Variants in NFASC observed in about 807,000 individuals in gnomAD.
NFASC encodes neurofascin.
NFASC carries 43 observed loss-of-function variants against 147.5 expected under a neutral mutation model. That is an observed-to-expected ratio of 0.29 (90% CI 0.23 to 0.38). The LOEUF is 0.38. Ranked by LOEUF, NFASC falls within the 10% of genes least tolerant of loss-of-function variation. The pLI is 1.00. For synonymous variants in NFASC, 622 were observed against 665.5 expected (o/e 0.93, Z 1.01); for missense variants, 1,320 against 1,689.0 (o/e 0.78, Z 3.83).
At chr1:204,952,660 A>G (rs931402494) in intron 5 of NFASC, among the ~76,000 whole-genome samples, 1 of 152,232 alleles carries the variant, frequency 6.6e-6, no homozygotes, top group Admixed American at 6.5e-5. Flanking sequence ...CAAAGGTCCA[A>G]GGTTACCCAG....
At chr1:204,955,505 C>T (rs1308269062) in intron 7 of NFASC, among the ~76,000 whole-genome samples, 1 of 152,112 alleles carries the variant, frequency 6.6e-6, no homozygotes, top group Non-Finnish European at 1.5e-5. Flanking sequence ...GAATTGCAAC[C>T]TTTCATAAAG....
At chr1:204,844,946 C>T (rs935196606) in intron 1 of NFASC, among the ~76,000 whole-genome samples, 4 of 152,072 alleles carry the variant, frequency 2.6e-5, no homozygotes, top group African/African-American at 9.7e-5. Context: ...CCCCCCAAGT[C>T]TGCGTTTAGC....
In NFASC at chr1:204,986,315, T is replaced by A. The variant is rs536381206; in HGVS notation, c.2471-1103T>A. The stretch of plus-strand genomic sequence containing the variant: ...CAAGGTGACCTGCCCTGCGAGGAGG[T>A]TGTATCTCAAGAGAAGACCTGTGAG... On this transcript the variant is annotated intron_variant, in intron 21 of 29. Transcript: ENST00000339876. This position sits in a 1 kb window ranked among gnomAD's most constrained non-coding sequence, Gnocchi z 4.2. Among the ~76,000 whole-genome samples, 205 of 152,144 alleles carry A rather than the reference T, an allele frequency of 1.3e-3. No individual in the cohort carries two copies. Among genetic ancestry groups the A allele is most frequent in the Non-Finnish European group, 2.7e-3 (181 of 68,000 alleles).
chr1:204,959,407 G>T (rs1434053885), intron 8 of NFASC, among the ~76,000 whole-genome samples: 1 of 152,212 alleles, frequency 6.6e-6, no homozygotes, highest in Non-Finnish European at 1.5e-5. Flanking sequence ...GGAGAAAGTT[G>T]GTTTGTCTGC....
chr1:204,911,606 C>T (rs1216538502), intron 1 of NFASC, among the ~76,000 whole-genome samples: 1 of 152,008 alleles, frequency 6.6e-6, no homozygotes, highest in Non-Finnish European at 1.5e-5. Context: ...TTAAATGTTG[C>T]ACTATCTATG....
Position 204,974,285 on chromosome 1 carries a change from G to A in NFASC, c.1386G>A (p.Leu462=), listed in dbSNP as rs2095344478. ...CPFFGSPIPT[L]RWFKNGQGSN... is the part of the protein sequence containing the mutation. Reference sequence around the variant, plus strand: ...TCTTTGGGTCTCCCATCCCCACACTGCGATGGTAAGTTCCAGGAGATCAGG... The same window carrying A: ...TCTTTGGGTCTCCCATCCCCACACTACGATGGTAAGTTCCAGGAGATCAGG... Residue 462 remains leucine, a synonymous_variant, in exon 13 of 30, where the codon CTG becomes CTA. Coordinates refer to ENST00000339876, the MANE Select transcript of NFASC (RefSeq NM_001005388.3). 6.2e-7 allele frequency: 1 copy of A among 1,612,650 alleles called. No individual in the cohort carries two copies. The highest frequency in any genetic ancestry group is 8.5e-7 in the Non-Finnish European group (1 of 1,178,780).
Position 204,982,012 on chromosome 1 carries a change from G to T in NFASC, c.2462G>T (p.Gly821Val). Residue 821 changes from glycine to valine, a missense_variant, in exon 21 of 30, where the codon GGA (glycine) becomes GTA (valine). Coordinates refer to ENST00000339876, the MANE Select transcript of NFASC (RefSeq NM_001005388.3). ...CCAGAGTCCGTCATCGGTTACTCCGGAGAAGATTGTGAGTAGTCTCCTCCC... is the reference window on the plus strand; with the variant it reads ...CCAGAGTCCGTCATCGGTTACTCCGTAGAAGATTGTGAGTAGTCTCCTCCC... ...PEPESVIGYS[G>V]EDLPSAPRRF... The T allele has an allele frequency of 6.4e-7, 1 of 1,569,076 alleles. No homozygotes were observed. The highest frequency in any genetic ancestry group is 8.6e-7 in the Non-Finnish European group (1 of 1,157,312).
intron 1 of NFASC, among the ~76,000 whole-genome samples, chr1:204,848,035 G>T (rs2075330438): frequency 6.6e-6 from 1 of 152,100 alleles, no homozygotes; most frequent in Non-Finnish European, 1.5e-5. Context: ...TTACCCCTTT[G>T]TACTGGAAAC....
intron 1 of NFASC, among the ~76,000 whole-genome samples, chr1:204,903,742 T>A (rs1280104453): frequency 3.9e-5 from 6 of 152,248 alleles, no homozygotes; most frequent in Admixed American, 1.3e-4. Flanking sequence ...ACTCATGGCA[T>A]GTTTTAAAAC....
chr1:204,997,317 T>C lies in NFASC; in HGVS notation c.2930T>C (p.Val977Ala), dbSNP rs2095866317. Residue 977 changes from valine to alanine, a missense_variant, in exon 25 of 30, where the codon GTC (valine) becomes GCC (alanine). This residue lies in a region of NFASC where 172 missense variants were observed against 165.8 expected (regional missense o/e 1.04). Coordinates refer to ENST00000339876, the MANE Select transcript of NFASC (RefSeq NM_001005388.3). ...APTTIATTTT[V>A]ATTTTTTAAA... Reference sequence around the variant, plus strand: ...ACCACCATCGCCACCACCACCACCGTCGCCACAACTACTACAACCACTGCT... The same window carrying C: ...ACCACCATCGCCACCACCACCACCGCCGCCACAACTACTACAACCACTGCT... The C allele has an allele frequency of 2.5e-6, 4 of 1,582,820 alleles. No individual in the cohort carries two copies. The highest frequency in any genetic ancestry group is 3.4e-6 in the Non-Finnish European group (4 of 1,164,682).
intron 8 of NFASC, among the ~76,000 whole-genome samples, chr1:204,958,801 C>G (rs2094534966): frequency 6.6e-6 from 1 of 152,196 alleles, no homozygotes; most frequent in Admixed American, 6.5e-5. Flanking sequence ...TAGGCTGACC[C>G]TGGCTTCCTG....
intron 1 of NFASC, among the ~76,000 whole-genome samples, chr1:204,898,567 T>C (rs2149147471): frequency 6.6e-6 from 1 of 152,366 alleles, no homozygotes; most frequent in South Asian, 2.1e-4. Context: ...GAGCACTCTA[T>C]GGCTGATCTG....
At chr1:204,867,045 G>T (rs892449046) in intron 1 of NFASC, among the ~76,000 whole-genome samples, 2 of 152,184 alleles carry the variant, frequency 1.3e-5, no homozygotes, top group Non-Finnish European at 2.9e-5. Context: ...AAAAAAAGCA[G>T]CAGTGTAGAT....
At position 204,970,644 on chromosome 1, in the gene NFASC, G is replaced by C. The variant is rs770593655; in HGVS notation, c.1032G>C (p.Lys344Asn). 1.2e-6 allele frequency: 2 copies of C among 1,614,128 alleles called. No homozygotes were observed. The highest frequency in any genetic ancestry group is 4.5e-5 in the East Asian group (2 of 44,876). Residue 344 changes from lysine to asparagine, a missense_variant, in exon 11 of 30, where the codon AAG becomes AAC. Coordinates refer to ENST00000339876, the MANE Select transcript of NFASC (RefSeq NM_001005388.3). ...CTCCCTACTGGCTGGACGAACCCAA[G>C]AACCTTATTCTGGCTCCTGGCGAGG... ...KAAPYWLDEP[K>N]NLILAPGEDG...
chr1:204,968,019 A>G lies in NFASC; in HGVS notation c.707-230A>G. The stretch of plus-strand genomic sequence containing the variant: ...AACCTGAGGGAAGCTGGGCTCCTCC[A>G]GGCAGATCCTTTCAGAACCTAGAGC... On this transcript the variant is annotated intron_variant, in intron 8 of 29. Coordinates refer to ENST00000339876, the MANE Select transcript of NFASC (RefSeq NM_001005388.3). The surrounding 1 kb of genome is among the most constrained non-coding windows in gnomAD (Gnocchi z 5.4). The G allele has an allele frequency of 2.1e-6, 1 of 469,800 alleles. No individual in the cohort carries two copies. Among genetic ancestry groups the G allele is most frequent in the South Asian group, 2.5e-5 (1 of 40,160 alleles). 29.1% of individuals were successfully genotyped at this position (469,800 alleles called of 1,614,324 possible).
chr1:204,900,287 G>A (rs771103700), intron 1 of NFASC, among the ~76,000 whole-genome samples: 2 of 152,178 alleles, frequency 1.3e-5, no homozygotes, highest in African/African-American at 4.8e-5. Flanking sequence ...CCAGATCTCA[G>A]GTTCAAAGAA....
At chr1:204,897,578 CTTTT>C (rs764139649) in intron 1 of NFASC, among the ~76,000 whole-genome samples, 2 of 143,586 alleles carry the variant, frequency 1.4e-5, no homozygotes, top group Admixed American at 7.0e-5. Flanking sequence ...TTTCTTTTTC[CTTTT>C]TTTTTTTTTT....
intron 27 of NFASC, among the ~76,000 whole-genome samples, chr1:205,006,951 A>G (rs2096125920): frequency 7.6e-6 from 1 of 131,470 alleles, no homozygotes; most frequent in Non-Finnish European, 1.9e-5. Flanking sequence ...GGTGCTGATG[A>G]GAGTTAAGGA....
intron 1 of NFASC, among the ~76,000 whole-genome samples, chr1:204,834,142 C>T (rs906150216): frequency 1.3e-5 from 2 of 152,046 alleles, no homozygotes; most frequent in African/African-American, 4.8e-5. Flanking sequence ...AAGTGACCTG[C>T]CTCATCCTGC....
Sources: gnomAD v4.1 joint callset for allele counts (sites outside exome capture counted in the v4.1 genomes callset) on GRCh38, gnomAD v4.1.1 for gene constraint, gnomAD v4.1.1 regional missense constraint, Gnocchi (gnomAD v3.1) non-coding constraint, MANE v1.5 for transcripts, NCBI Gene and HGNC (gene_info 2026-07-23, HGNC 2026-07-21) for gene names.